NSMAF: variants seen among roughly 807,000 people sequenced by gnomAD.
NSMAF encodes protein FAN.
In NSMAF, 90 loss-of-function variants were observed where a neutral mutation model predicts 134.9. The observed-to-expected ratio is 0.67, with a 90% CI of 0.56 to 0.79. The LOEUF is 0.79. NSMAF is among the 30% of genes least tolerant of loss of function. NSMAF has a pLI of 0.00. For missense variants in NSMAF, 1,010 were observed against 1,119.0 expected (o/e 0.90, Z 1.39); for synonymous variants, 358 against 389.6 (o/e 0.92, Z 0.96).
At chr8:58,633,080 C>A (rs928239890) in intron 5 of NSMAF, among the ~76,000 whole-genome samples, 4 of 152,206 alleles carry the variant, frequency 2.6e-5, no homozygotes, top group African/African-American at 9.6e-5. Flanking sequence ...CTCTACCCAG[C>A]CCCCAGAGAG....
At chr8:58,643,964 C>A (rs1220723834) in intron 1 of NSMAF, among the ~76,000 whole-genome samples, 2 of 152,158 alleles carry the variant, frequency 1.3e-5, no homozygotes, top group East Asian at 3.9e-4. Flanking sequence ...GTCATTTAAA[C>A]TTTTAAAAAC....
intron 1 of NSMAF, among the ~76,000 whole-genome samples, chr8:58,644,761 T>TAC (rs1370229851): frequency 6.6e-6 from 1 of 152,178 alleles, no homozygotes. Flanking sequence ...GTGGCACATA[T>TAC]ACACCATGGA....
chr8:58,620,182 A>ATAGG (rs1806752879), intron 9 of NSMAF, among the ~76,000 whole-genome samples: 2 of 152,242 alleles, frequency 1.3e-5, no homozygotes, highest in South Asian at 4.1e-4. Flanking sequence ...ATAGAGCACC[A>ATAGG]TAGGTAGGTA....
chr8:58,605,434 TC>T (rs1806382244), intron 12 of NSMAF, among the ~76,000 whole-genome samples: 1 of 152,220 alleles, frequency 6.6e-6, no homozygotes, highest in Non-Finnish European at 1.5e-5. Flanking sequence ...TTGAGTGGAT[TC>T]TTCAAAATCC....
chr8:58,619,742 A>T (rs546895051), intron 9 of NSMAF, among the ~76,000 whole-genome samples: 6 of 152,304 alleles, frequency 3.9e-5, no homozygotes, highest in South Asian at 4.1e-4. Flanking sequence ...AAAGACCTTT[A>T]TGAAGAAAAT....
At chr8:58,614,120 G>A (rs1023211807) in intron 9 of NSMAF, among the ~76,000 whole-genome samples, 7 of 152,018 alleles carry the variant, frequency 4.6e-5, no homozygotes, top group African/African-American at 1.2e-4. Context: ...CTAACAACAC[G>A]TTTCTCACAA....
intron 19 of NSMAF, among the ~76,000 whole-genome samples, chr8:58,598,944 C>T (rs1437324594): frequency 6.6e-6 from 1 of 152,000 alleles, no homozygotes; most frequent in Non-Finnish European, 1.5e-5. Flanking sequence ...TAGAATCACT[C>T]GAACCAGGGA....
intron 23 of NSMAF, 108 bp downstream of exon 23, chr8:58,594,124 A>G (rs1585728011): frequency 2.3e-6 from 2 of 860,562 alleles, no homozygotes; most frequent in Non-Finnish European, 3.9e-6. Context: ...AGTTTACTTT[A>G]TGTGGAGGCA....
rs75546621 is a variant in NSMAF at position 58,596,185 on chromosome 8, A to T, written c.1793-526T>A. On this transcript the variant is annotated intron_variant, in intron 21 of 30. Transcript: ENST00000038176. ...GTGACTAAGCAGAGTGCAGTTTGAA[A>T]CAGCATCACAAGATAATCCTGTGAT... is the stretch of plus-strand genomic sequence containing the variant. 1.1e-3 allele frequency among the ~76,000 whole-genome samples: 160 copies of T among 152,318 alleles called. 1 individual carries two copies. In the East Asian group the frequency reaches 0.025, roughly 24 times the overall value.
chr8:58,613,648 AG>A (rs1806584657), intron 9 of NSMAF, among the ~76,000 whole-genome samples: 1 of 152,228 alleles, frequency 6.6e-6, no homozygotes, highest in African/African-American at 2.4e-5. Context: ...TGTATATAAT[AG>A]TGGTCTCATA....
intron 23 of NSMAF, 45 bp from the exon 24 acceptor site, chr8:58,590,979 C>A (rs1276656908): frequency 2.6e-6 from 4 of 1,533,020 alleles, no homozygotes; most frequent in Non-Finnish European, 2.7e-6. Flanking sequence ...GATTTCCTAA[C>A]CATTACAGAC....
Position 58,588,824 on chromosome 8 carries a change from A to G in NSMAF, c.2211+628T>C, listed in dbSNP as rs16923584. On this transcript the variant is annotated intron_variant, in intron 26 of 30. Coordinates refer to ENST00000038176, the MANE Select transcript of NSMAF (RefSeq NM_003580.4). ...ATTTTCTAATTAACTATAATCAACTAATATTTCTGATCATGGCAGATGAAA... is the reference window on the plus strand; with the variant it reads ...ATTTTCTAATTAACTATAATCAACTGATATTTCTGATCATGGCAGATGAAA... 2,273 of 806,366 alleles carry G rather than the reference A, an allele frequency of 2.8e-3. 58 individuals carry two copies. The East Asian group carries it at 0.048, about 17-fold the overall frequency. 50.0% of individuals were successfully genotyped at this position (806,366 alleles called of 1,614,324 possible).
chr8:58,644,066 T>C (rs1426245311), intron 1 of NSMAF, among the ~76,000 whole-genome samples: 1 of 152,218 alleles, frequency 6.6e-6, no homozygotes, highest in Non-Finnish European at 1.5e-5. Flanking sequence ...TTTTTTTGTT[T>C]TGTTTTGTGA....
At chr8:58,641,007 C>T (rs1301650629) in intron 2 of NSMAF, among the ~76,000 whole-genome samples, 4 of 152,062 alleles carry the variant, frequency 2.6e-5, no homozygotes, top group African/African-American at 7.2e-5. Context: ...CTGCAACCTC[C>T]GCCTCCCAAG....
In NSMAF at chr8:58,650,503, C is replaced by G. The variant is rs1375219113; in HGVS notation, c.60-7430G>C. 3.3e-5 allele frequency among the ~76,000 whole-genome samples: 5 copies of G among 152,184 alleles called. No homozygotes were observed. In the East Asian group the frequency reaches 9.6e-4, roughly 29 times the overall value. Reference sequence around the variant, plus strand: ...AAGCTTGCCTGATTTTCTGTAACTCCTCACAAAAGATCATTTGGATTAGAT... The same window carrying G: ...AAGCTTGCCTGATTTTCTGTAACTCGTCACAAAAGATCATTTGGATTAGAT... On this transcript the variant is annotated intron_variant, in intron 1 of 30. Transcript: ENST00000038176.
chr8:58,655,943 T>C (rs955003162), intron 1 of NSMAF, among the ~76,000 whole-genome samples: 2 of 152,004 alleles, frequency 1.3e-5, no homozygotes, highest in African/African-American at 4.8e-5. Context: ...ATGTTTTCAA[T>C]TTACCCTCAC....
intron 28 of NSMAF, 133 bp from the exon 29 acceptor site, chr8:58,586,133 T>C (rs2129138569): frequency 2.7e-6 from 2 of 748,590 alleles, no homozygotes; most frequent in Admixed American, 1.9e-5. Context: ...ACTTAAGCAA[T>C]GACTATCCTC....
At position 58,631,515 on chromosome 8, in the gene NSMAF, GCAA is replaced by G; in HGVS notation, c.362_364del (p.Val121del). 2.7e-6 allele frequency: 4 copies of G among 1,508,450 alleles called. No individual in the cohort carries two copies. Among genetic ancestry groups the G allele is most frequent in the Non-Finnish European group, 3.6e-6 (4 of 1,111,126 alleles). The allele number at this position is 1,508,450 out of a possible 1,614,324, so 93.4% of individuals were successfully genotyped here. On this transcript the variant is annotated inframe_deletion, in exon 6 of 31. Transcript: ENST00000038176. The stretch of plus-strand genomic sequence containing the variant: ...ACTTACCCTTTCTATTTTATATGGT[GCAA>G]CAACATTATGTTCTTTAATGAAATA...
intron 12 of NSMAF, among the ~76,000 whole-genome samples, chr8:58,605,224 CATTA>C (rs1806376766): frequency 6.6e-6 from 1 of 152,200 alleles, no homozygotes; most frequent in Admixed American, 6.5e-5. Flanking sequence ...GAGGAAATAT[CATTA>C]ATTAAAAGCA....
Sources: allele counts gnomAD v4.1 joint callset (sites outside exome capture counted in the v4.1 genomes callset), GRCh38; gene constraint gnomAD v4.1.1; transcripts MANE v1.5; gene names NCBI Gene and HGNC (gene_info 2026-07-23, HGNC 2026-07-21).